Variants in PTTG1IP2 observed in about 807,000 individuals in gnomAD.
The protein encoded by PTTG1IP2 is PTTG1IP family member 2.
chr7:90,505,903 G>A (rs1419484789), intron 6 of PTTG1IP2, among the ~76,000 whole-genome samples: 2 of 141,320 alleles, frequency 1.4e-5, no homozygotes, highest in African/African-American at 5.2e-5. Flanking sequence ...AGAATGGCTT[G>A]AACCCGGGAG....
chr7:90,486,582 A>C (rs1797877331), intron 2 of PTTG1IP2, among the ~76,000 whole-genome samples: 1 of 146,656 alleles, frequency 6.8e-6, no homozygotes. Flanking sequence ...TTTCTGCATG[A>C]TTATCTGAGC....
At chr7:90,493,005 C>T (rs1797955602) in intron 5 of PTTG1IP2, among the ~76,000 whole-genome samples, 1 of 152,174 alleles carries the variant, frequency 6.6e-6, no homozygotes, top group Non-Finnish European at 1.5e-5. Context: ...AGGTCTGGAT[C>T]CTGAAAACCC....
At chr7:90,496,737 T>C (rs1202455040) in intron 6 of PTTG1IP2, among the ~76,000 whole-genome samples, 2 of 152,180 alleles carry the variant, frequency 1.3e-5, no homozygotes, top group Non-Finnish European at 2.9e-5. Flanking sequence ...TCTATTACCT[T>C]TGGGCATAGT....
At chr7:90,487,012 G>A (rs1797882138) in intron 2 of PTTG1IP2, among the ~76,000 whole-genome samples, 1 of 152,136 alleles carries the variant, frequency 6.6e-6, no homozygotes, top group Non-Finnish European at 1.5e-5. Context: ...AGGCAAGGAT[G>A]CCCACTGTTT....
intron 2 of PTTG1IP2, among the ~76,000 whole-genome samples, chr7:90,485,648 G>A (rs1321759514): frequency 2.0e-5 from 3 of 152,150 alleles, no homozygotes; most frequent in Non-Finnish European, 4.4e-5. Context: ...TACCAAAGGA[G>A]TCTCTTTTCC....
intron 6 of PTTG1IP2, among the ~76,000 whole-genome samples, chr7:90,505,288 T>C (rs1350441537): frequency 2.6e-5 from 4 of 152,284 alleles, no homozygotes; most frequent in South Asian, 4.1e-4. Context: ...TCCACAAACA[T>C]GGATGTTAGC....
chr7:90,492,802 G>A (rs1020489929), intron 5 of PTTG1IP2, among the ~76,000 whole-genome samples: 1 of 152,150 alleles, frequency 6.6e-6, no homozygotes, highest in Non-Finnish European at 1.5e-5. Flanking sequence ...TTGTCTTCAG[G>A]AATTCTTGCA....
intron 2 of PTTG1IP2, among the ~76,000 whole-genome samples, chr7:90,485,538 G>A (rs184435181): frequency 2.0e-5 from 3 of 152,280 alleles, no homozygotes; most frequent in Non-Finnish European, 4.4e-5. Context: ...TATTTAGAAG[G>A]AGGATAGTGG....
At chr7:90,486,467 C>CTTTTTTTTTTTTTTTTTTTTTTTTTTCTT (rs532687452) in intron 2 of PTTG1IP2, among the ~76,000 whole-genome samples, 1 of 119,222 alleles carries the variant, frequency 8.4e-6, no homozygotes, top group Non-Finnish European at 1.7e-5. Context: ...CTTTGTCTTC[C>CTTTTTTTTTTTTTTTTTTTTTTTTTTCTT]TTTTTTTTTT....
chr7:90,483,082 T>C (rs1797831584), intron 2 of PTTG1IP2, among the ~76,000 whole-genome samples: 1 of 152,090 alleles, frequency 6.6e-6, no homozygotes, highest in Non-Finnish European at 1.5e-5. Flanking sequence ...TCTGGGAGAA[T>C]GGACAAGGTG....
chr7:90,508,938 G>A (rs62471773), intron 6 of PTTG1IP2, among the ~76,000 whole-genome samples: 9 of 152,142 alleles, frequency 5.9e-5, no homozygotes, highest in Non-Finnish European at 1.2e-4. Flanking sequence ...GCTCAATGTC[G>A]CACAGGTGAG....
chr7:90,478,096 CAAAAAAAAAAA>C (rs370035849), intron 1 of PTTG1IP2, among the ~76,000 whole-genome samples: 46 of 68,054 alleles, frequency 6.8e-4, no homozygotes, highest in Non-Finnish European at 1.1e-3. Flanking sequence ...GACTCCGTCT[CAAAAAAAAAAA>C]AAAAAAAAAG....
intron 1 of PTTG1IP2, 56 bp from the exon 2 acceptor site, chr7:90,479,172 A>G (rs892857248): frequency 6.6e-6 from 1 of 152,624 alleles, no homozygotes; most frequent in Admixed American, 6.5e-5. Flanking sequence ...TTTATGTAAA[A>G]TTGAGCAATA....
intron 2 of PTTG1IP2, among the ~76,000 whole-genome samples, chr7:90,484,317 G>A (rs917000856): frequency 2.0e-5 from 3 of 151,824 alleles, no homozygotes; most frequent in African/African-American, 7.3e-5. Context: ...AAATTATTAT[G>A]TATCTTCCCA....
intron 6 of PTTG1IP2, among the ~76,000 whole-genome samples, chr7:90,502,322 T>A (rs1289509233): frequency 6.6e-6 from 1 of 152,244 alleles, no homozygotes; most frequent in Non-Finnish European, 1.5e-5. Flanking sequence ...TTCACTGAAG[T>A]CTTGAACCTT....
chr7:90,474,974 G>A (rs774447709), intron 1 of PTTG1IP2, among the ~76,000 whole-genome samples: 5 of 152,142 alleles, frequency 3.3e-5, no homozygotes, highest in Non-Finnish European at 7.4e-5. Flanking sequence ...AACTCCAAAG[G>A]TGCTAAAAGT....
chr7:90,474,421 G>C (rs1797724015), intron 1 of PTTG1IP2, among the ~76,000 whole-genome samples: 1 of 152,192 alleles, frequency 6.6e-6, no homozygotes, highest in African/African-American at 2.4e-5. Flanking sequence ...AAGCAATTCA[G>C]ATCAGACCAA....
At chr7:90,477,265 G>T (rs1797758972) in intron 1 of PTTG1IP2, among the ~76,000 whole-genome samples, 1 of 152,166 alleles carries the variant, frequency 6.6e-6, no homozygotes, top group Non-Finnish European at 1.5e-5. Flanking sequence ...CTAGAACCTC[G>T]TTCTTTAGGA....
At chr7:90,498,981 A>G (rs1584698796) in intron 6 of PTTG1IP2, among the ~76,000 whole-genome samples, 1 of 152,132 alleles carries the variant, frequency 6.6e-6, no homozygotes, top group African/African-American at 2.4e-5. Flanking sequence ...CCTCTCAAGT[A>G]TCCAAGCCTA....
Sources: allele counts gnomAD v4.1 joint callset (sites outside exome capture counted in the v4.1 genomes callset), GRCh38; gene constraint gnomAD v4.1.1; transcripts MANE v1.5; gene names NCBI Gene and HGNC (gene_info 2026-07-23, HGNC 2026-07-21).